The following NFAT5 variants were observed in gnomAD, a reference collection of about 807,000 sequenced individuals.
The protein encoded by NFAT5 is nuclear factor of activated T cells 5.
Under a neutral mutation model 166.5 loss-of-function variants are expected in NFAT5, and 31 were observed. The ratio of observed to expected loss-of-function variants is 0.19; its 90% CI spans 0.14 to 0.25. The LOEUF is 0.25. Among genes scored for constraint, NFAT5 ranks in the 10% least tolerant of loss-of-function variants. The pLI, the probability that NFAT5 is intolerant of heterozygous loss-of-function variation, is 1.00. For synonymous variants in NFAT5, 612 were observed against 639.7 expected, an observed-to-expected ratio of 0.96 and a Z score of 0.65; for missense variants, 1,449 against 1,821.8, an observed-to-expected ratio of 0.80 and a Z score of 3.72.
At chr16:69,616,119 C>A (rs746144407) in intron 2 of NFAT5, among the ~76,000 whole-genome samples, 1 of 152,114 alleles carries the variant, frequency 6.6e-6, no homozygotes, top group African/African-American at 2.4e-5. Context: ...GGCTGCCTAT[C>A]TACGGAAATG....
intron 6 of NFAT5, among the ~76,000 whole-genome samples, chr16:69,658,530 A>G (rs547665731): frequency 6.6e-6 from 1 of 152,154 alleles, no homozygotes; most frequent in East Asian, 1.9e-4. Flanking sequence ...AAAGCTAAAA[A>G]CATGCCCTTT....
At chr16:69,570,081 A>G (rs1325809592) in intron 2 of NFAT5, among the ~76,000 whole-genome samples, 1 of 152,114 alleles carries the variant, frequency 6.6e-6, no homozygotes, top group Non-Finnish European at 1.5e-5. Context: ...TATTTAAGCA[A>G]ATATTTTTAG....
intron 2 of NFAT5, among the ~76,000 whole-genome samples, chr16:69,580,930 C>G (rs2142928842): frequency 6.6e-6 from 1 of 152,324 alleles, no homozygotes; most frequent in Non-Finnish European, 1.5e-5. Context: ...GCTGGGATTA[C>G]AGGCGTGAGC....
Position 69,694,251 on chromosome 16 carries a change from T to G in NFAT5, c.4414+12T>G. On this transcript the variant is annotated intron_variant, in intron 13 of 14. Coordinates refer to ENST00000349945, the MANE Select transcript of NFAT5 (RefSeq NM_138713.4). The stretch of plus-strand genomic sequence containing the variant: ...TGGCATTCAAAATAGTAAGAAACTC[T>G]AATTTTTCATTACTTAATTGGTCAT... 6.3e-7 allele frequency: 1 copy of G among 1,575,754 alleles called. No homozygotes were observed. Among genetic ancestry groups the G allele is most frequent in the Non-Finnish European group, 8.7e-7 (1 of 1,154,862 alleles).
chr16:69,605,720 T>C (rs2033368129), intron 2 of NFAT5, among the ~76,000 whole-genome samples: 1 of 152,084 alleles, frequency 6.6e-6, no homozygotes, highest in Non-Finnish European at 1.5e-5. Flanking sequence ...TTCTTTTTTT[T>C]TTTTGAGACG....
intron 2 of NFAT5, among the ~76,000 whole-genome samples, chr16:69,599,477 A>G (rs540482394): frequency 1.3e-5 from 2 of 152,184 alleles, no homozygotes; most frequent in Non-Finnish European, 2.9e-5. Flanking sequence ...CTCGGGAGGC[A>G]GGAGAATTGC....
At chr16:69,643,806 A>G (rs60472033) in intron 3 of NFAT5, among the ~76,000 whole-genome samples, 37,596 of 152,036 alleles carry the variant, frequency 0.25, 5,012 homozygotes, top group East Asian at 0.45. Flanking sequence ...AGGTGTTGGG[A>G]GGATCTAAGA....
At position 69,655,619 on chromosome 16, in the gene NFAT5, A is replaced by G; in HGVS notation, c.1016A>G (p.His339Arg). 6.3e-7 allele frequency: 1 copy of G among 1,592,040 alleles called. No homozygotes were observed. Among genetic ancestry groups the G allele is most frequent in the Non-Finnish European group, 8.6e-7 (1 of 1,168,292 alleles). The change falls in exon 6 of 15, where the codon CAT becomes CGT. Residue 339 changes from histidine to arginine, a missense_variant. Coordinates refer to ENST00000349945, the MANE Select transcript of NFAT5 (RefSeq NM_138713.4). ...GTTTTCTGGTTTCAGCTGGAAGGCC[A>G]TAATGAACCTGTAGTGTTGCAAGTG... The part of the protein sequence containing the change: ...QGFPTVKLEG[H>R]NEPVVLQVFV...
intron 2 of NFAT5, among the ~76,000 whole-genome samples, chr16:69,573,788 C>T (rs1224563069): frequency 6.6e-6 from 1 of 151,706 alleles, no homozygotes; most frequent in African/African-American, 2.4e-5. Context: ...CTGATTATTC[C>T]AGGAGTCCCC....
chr16:69,625,560 A>G (rs1346135335), intron 2 of NFAT5, among the ~76,000 whole-genome samples: 1 of 151,830 alleles, frequency 6.6e-6, no homozygotes, highest in Non-Finnish European at 1.5e-5. Flanking sequence ...TCAATCCACA[A>G]AGTTTTTCTT....
Position 69,588,547 on chromosome 16 carries a change from C to T in NFAT5, c.127+19999C>T, listed in dbSNP as rs140545543. 2.2e-3 allele frequency among the ~76,000 whole-genome samples: 339 copies of T among 152,242 alleles called. 2 individuals carry two copies. The highest frequency in any genetic ancestry group is 5.8e-3 in the South Asian group (28 of 4,822). On this transcript the variant is annotated intron_variant, in intron 2 of 14. Coordinates refer to ENST00000349945, the MANE Select transcript of NFAT5 (RefSeq NM_138713.4). ...GTGTGTAAATTTAAAAGTGCATTTCCTCTCAAATTTAGATATGTCTTGTTC... is the reference window on the plus strand; with the variant it reads ...GTGTGTAAATTTAAAAGTGCATTTCTTCTCAAATTTAGATATGTCTTGTTC...
intron 11 of NFAT5, among the ~76,000 whole-genome samples, chr16:69,689,789 C>A (rs1286944567): frequency 2.6e-5 from 4 of 152,220 alleles, no homozygotes; most frequent in Non-Finnish European, 5.9e-5. Flanking sequence ...AAGTGAGCCA[C>A]CTGCCTCGGC....
At chr16:69,646,160 C>T (rs552393768) in intron 3 of NFAT5, among the ~76,000 whole-genome samples, 17 of 152,278 alleles carry the variant, frequency 1.1e-4, no homozygotes, top group Middle Eastern at 6.8e-3. Context: ...AACCAATTGT[C>T]AAGCATGTAA....
At chr16:69,654,653 G>T (rs1204391610) in intron 5 of NFAT5, among the ~76,000 whole-genome samples, 1 of 152,208 alleles carries the variant, frequency 6.6e-6, no homozygotes, top group Non-Finnish European at 1.5e-5. Flanking sequence ...GATAGGGAAT[G>T]AATTGACCTT....
At chr16:69,583,099 G>A (rs1019676191) in intron 2 of NFAT5, among the ~76,000 whole-genome samples, 61 of 151,418 alleles carry the variant, frequency 4.0e-4, no homozygotes, top group African/African-American at 1.4e-3. Context: ...TTTTTTAAGT[G>A]TTAATAAAAT....
intron 2 of NFAT5, among the ~76,000 whole-genome samples, chr16:69,593,886 A>G (rs2032629325): frequency 6.6e-6 from 1 of 152,188 alleles, no homozygotes; most frequent in African/African-American, 2.4e-5. Context: ...TCCTGTTTTC[A>G]GCTGTATCTA....
intron 2 of NFAT5, among the ~76,000 whole-genome samples, chr16:69,572,470 C>T (rs567342230): frequency 6.6e-6 from 1 of 151,766 alleles, no homozygotes; most frequent in Non-Finnish European, 1.5e-5. Context: ...AATTGTTTGC[C>T]ATTAGTAAGT....
intron 5 of NFAT5, 89 bp downstream of exon 5, chr16:69,653,517 G>A (rs2035757863): frequency 1.3e-6 from 1 of 761,744 alleles, no homozygotes; most frequent in Admixed American, 3.9e-5. Context: ...TTCAAATCAT[G>A]AATTTTCTTC....
At chr16:69,677,088 CTT>C in intron 9 of NFAT5, 113 bp from the exon 10 acceptor site, 3 of 918,306 alleles carry the variant, frequency 3.3e-6, no homozygotes, top group Non-Finnish European at 4.7e-6. Context: ...AAAATGCATT[CTT>C]TTTTTTTTAA....
Sources: allele counts gnomAD v4.1 joint callset (sites outside exome capture counted in the v4.1 genomes callset), GRCh38; gene constraint gnomAD v4.1.1; transcripts MANE v1.5; gene names NCBI Gene and HGNC (gene_info 2026-07-23, HGNC 2026-07-21).